The following GTF3C2 variants were observed in gnomAD, a reference collection of about 807,000 sequenced individuals.
The protein encoded by GTF3C2 is general transcription factor 3C polypeptide 2.
In GTF3C2, 17 loss-of-function variants were observed where a neutral mutation model predicts 117.4. The observed-to-expected ratio is 0.14, with a 90% CI of 0.10 to 0.22. GTF3C2 has a LOEUF of 0.22. Ranked by LOEUF, GTF3C2 falls within the 10% of genes least tolerant of loss-of-function variation. The pLI, the probability that GTF3C2 is intolerant of heterozygous loss-of-function variation, is 1.00. For missense variants in GTF3C2, 888 were observed against 1,143.6 expected (o/e 0.78, Z 3.22); for synonymous variants, 437 against 427.0 (o/e 1.02, Z -0.29).
At chr2:27,337,686 T>C in intron 5 of GTF3C2, 128 bp from the exon 6 acceptor site, 1 of 751,256 alleles carries the variant, frequency 1.3e-6, no homozygotes. Context: ...CTAGCTCCAA[T>C]TAGCTACCAA....
At chr2:27,338,640 A>G (rs1680595932) in intron 4 of GTF3C2, among the ~76,000 whole-genome samples, 1 of 151,872 alleles carries the variant, frequency 6.6e-6, no homozygotes, top group Non-Finnish European at 1.5e-5. Context: ...GGGCTCAAGC[A>G]ATCCTCTCAC....
At chr2:27,350,053 G>A (rs781315787) in intron 1 of GTF3C2, among the ~76,000 whole-genome samples, 3 of 152,138 alleles carry the variant, frequency 2.0e-5, no homozygotes, top group Non-Finnish European at 4.4e-5. Context: ...AAATGTTCAT[G>A]ACACAGAACA....
intron 12 of GTF3C2, among the ~76,000 whole-genome samples, chr2:27,332,176 T>C (rs1680294344): frequency 6.6e-6 from 1 of 152,164 alleles, no homozygotes; most frequent in South Asian, 2.1e-4. Flanking sequence ...ATGATCCCAT[T>C]TATTTAGTTA....
intron 1 of GTF3C2, among the ~76,000 whole-genome samples, chr2:27,346,166 G>A (rs1048443314): frequency 6.6e-6 from 1 of 151,134 alleles, no homozygotes; most frequent in Non-Finnish European, 1.5e-5. Flanking sequence ...TAGGACTATA[G>A]GCATGTATCA....
At chr2:27,341,007 T>C (rs1680708575) in intron 4 of GTF3C2, among the ~76,000 whole-genome samples, 1 of 152,078 alleles carries the variant, frequency 6.6e-6, no homozygotes, top group Non-Finnish European at 1.5e-5. Flanking sequence ...GTTGTACAGT[T>C]TGTGTACAAC....
chr2:27,327,133 C>T (rs766398661), intron 18 of GTF3C2, 44 bp downstream of exon 18: 4 of 1,082,050 alleles, frequency 3.7e-6, no homozygotes, highest in Non-Finnish European at 5.6e-6. Flanking sequence ...AGGCCCAGAA[C>T]TGGGGGGAAA....
At chr2:27,355,959 A>T (rs1019857231) in intron 1 of GTF3C2, 1 of 545,582 alleles carries the variant, frequency 1.8e-6, no homozygotes, top group East Asian at 6.9e-5. Flanking sequence ...AAACTTTTTA[A>T]GTAAGTCAAT....
intron 12 of GTF3C2, among the ~76,000 whole-genome samples, chr2:27,330,212 C>T (rs894050384): frequency 6.7e-6 from 1 of 149,672 alleles, no homozygotes; most frequent in Admixed American, 6.7e-5. Context: ...AATCTCAACA[C>T]TTTGGGAGGC....
chr2:27,342,426 T>C (rs1680769221), intron 3 of GTF3C2, 193 bp from the exon 4 acceptor site: 1 of 584,102 alleles, frequency 1.7e-6, no homozygotes, highest in Non-Finnish European at 3.0e-6. Context: ...CCGAGATGAC[T>C]GAGATAACAA....
exon 4 of GTF3C2, chr2:27,341,972 G>A (rs1469671856): frequency 6.2e-7 from 1 of 1,614,098 alleles, no homozygotes; most frequent in Non-Finnish European, 8.5e-7. Context: ...CTCGTGGGGT[G>A]CTTCGGGGCA....
At chr2:27,337,594 G>A (rs555820538) in intron 5 of GTF3C2, 36 bp from the exon 6 acceptor site, 4 of 1,372,064 alleles carry the variant, frequency 2.9e-6, no homozygotes, top group African/African-American at 2.8e-5. Flanking sequence ...GAAGGAGAGG[G>A]ATTCTACAGC....
chr2:27,338,580 G>T (rs912119334), intron 4 of GTF3C2, among the ~76,000 whole-genome samples: 1 of 152,102 alleles, frequency 6.6e-6, no homozygotes, highest in African/African-American at 2.4e-5. Flanking sequence ...GCCCAGGCTG[G>T]AGTGCAGTGG....
rs1014524755 is a variant in GTF3C2 at position 27,326,973 on chromosome 2, A to C, written c.2518-80T>G. 3.4e-6 allele frequency: 3 copies of C among 882,088 alleles called. No individual in the cohort carries two copies. The East Asian group carries it at 7.8e-5, about 23-fold the overall frequency. 54.6% of individuals were successfully genotyped at this position (882,088 alleles called of 1,614,324 possible). ...GACTCCTAGCTGTATGAACAAAAAA[A>C]AAAAATGAGCCACAATCTGAAAGGA... On this transcript the variant is annotated intron_variant, in intron 18 of 18. Transcript: ENST00000264720.
At chr2:27,353,540 G>A (rs1324011989) in intron 1 of GTF3C2, among the ~76,000 whole-genome samples, 1 of 152,010 alleles carries the variant, frequency 6.6e-6, no homozygotes, top group East Asian at 1.9e-4. Flanking sequence ...TGGGGTTCAA[G>A]TGATTCTTCT....
At chr2:27,334,825 T>G (rs1427329101) in intron 10 of GTF3C2, among the ~76,000 whole-genome samples, 1 of 152,086 alleles carries the variant, frequency 6.6e-6, no homozygotes, top group Non-Finnish European at 1.5e-5. Context: ...AAAATTTTTT[T>G]GTCGAGACGA....
At chr2:27,351,246 T>C (rs1681125933) in intron 1 of GTF3C2, among the ~76,000 whole-genome samples, 1 of 151,878 alleles carries the variant, frequency 6.6e-6, no homozygotes, top group Non-Finnish European at 1.5e-5. Flanking sequence ...ACCTCGTCTC[T>C]ACTAAAAACA....
exon 18 of GTF3C2, chr2:27,327,254 G>C: frequency 6.2e-7 from 1 of 1,605,900 alleles, no homozygotes; most frequent in Middle Eastern, 1.7e-4. Flanking sequence ...CGCAGCATTG[G>C]TTCTCTACGG....
At chr2:27,352,808 C>A (rs190215242) in intron 1 of GTF3C2, among the ~76,000 whole-genome samples, 1 of 152,300 alleles carries the variant, frequency 6.6e-6, no homozygotes, top group East Asian at 1.9e-4. Context: ...TATTATTAAT[C>A]CAATGGACAT....
rs778602066 is a variant in GTF3C2, at chr2:27,349,170, C to A, written c.-24-5592G>T. 1.0e-3 allele frequency among the ~76,000 whole-genome samples: 112 copies of A among 110,160 alleles called. 1 individual carries two copies. Among genetic ancestry groups the A allele is most frequent in the Non-Finnish European group, 1.6e-3 (89 of 55,948 alleles). 72.3% of individuals were successfully genotyped at this position (110,160 alleles called of 152,430 possible). A position where few individuals can be genotyped will look rare whatever the true frequency, so the allele number is the denominator to read the frequency against. ...TTTTTTTTTTTTTTTTTTTTTGAGACAGAGTCTTGCTCTGTTGCCCAGGCT... is the reference window on the plus strand; with the variant it reads ...TTTTTTTTTTTTTTTTTTTTTGAGAAAGAGTCTTGCTCTGTTGCCCAGGCT... On this transcript the variant is annotated intron_variant, in intron 1 of 18. Coordinates refer to ENST00000264720, the Ensembl canonical transcript of GTF3C2.
Sources: gnomAD v4.1 joint callset for allele counts (sites outside exome capture counted in the v4.1 genomes callset) on GRCh38, gnomAD v4.1.1 for gene constraint, MANE v1.5 for transcripts, NCBI Gene and HGNC (gene_info 2026-07-23, HGNC 2026-07-21) for gene names.